Variants in ADGRL3 observed in about 807,000 individuals in gnomAD.
ADGRL3 encodes adhesion G protein-coupled receptor L3, also known as calcium-independent alpha-latrotoxin receptor 3.
Under a neutral mutation model 153.5 loss-of-function variants are expected in ADGRL3, and 62 were observed. The ratio of observed to expected loss-of-function variants is 0.40; its 90% CI spans 0.33 to 0.50. ADGRL3 has a LOEUF of 0.50. Ranked by LOEUF, ADGRL3 falls within the 20% of genes least tolerant of loss-of-function variation. The pLI, the probability that ADGRL3 is intolerant of heterozygous loss-of-function variation, is 0.47. For synonymous variants in ADGRL3, 710 were observed against 672.5 expected (o/e 1.06, Z -0.86); for missense variants, 1,641 against 1,859.4 (o/e 0.88, Z 2.16).
chr4:61,799,961 A>C (rs2097471147), intron 8 of ADGRL3, among the ~76,000 whole-genome samples: 1 of 152,218 alleles, frequency 6.6e-6, no homozygotes, highest in African/African-American at 2.4e-5. Flanking sequence ...AGATCAATAT[A>C]TCCAGGCCAC....
intron 1 of ADGRL3, among the ~76,000 whole-genome samples, chr4:61,334,419 A>G (rs1037460507): frequency 3.3e-5 from 5 of 152,286 alleles, no homozygotes; most frequent in Admixed American, 2.0e-4. Context: ...GTTACTTTCA[A>G]CAAAGTTTAA....
intron 3 of ADGRL3, among the ~76,000 whole-genome samples, chr4:61,513,145 T>G (rs1021333721): frequency 6.6e-6 from 1 of 152,172 alleles, no homozygotes; most frequent in African/African-American, 2.4e-5. Flanking sequence ...CTCACTGTTA[T>G]GATTAATAGC....
rs182596389 is a variant in ADGRL3 at position 62,044,536 on chromosome 4, G to A, written c.3801G>A (p.Ala1267=). ...SFITGDINSS[A]SLNREPYRET... ...TTACTGGAGACATAAACAGTTCAGC[G>A]TCACTCAACAGAGGTAATTAGAAAT... The change falls in exon 25 of 27, where the codon GCG becomes GCA. Residue 1267 remains alanine (A), a synonymous_variant. Transcript: ENST00000683033. 2.2e-4 allele frequency: 341 copies of A among 1,585,230 alleles called. 1 individual carries two copies. In the African/African-American group the frequency reaches 3.6e-3, roughly 17 times the overall value.
At chr4:61,532,979 T>G (rs1194963301) in intron 4 of ADGRL3, among the ~76,000 whole-genome samples, 1 of 152,052 alleles carries the variant, frequency 6.6e-6, no homozygotes, top group African/African-American at 2.4e-5. Context: ...ATTAAGAACA[T>G]GGGACTCTTT....
At chr4:61,212,988 G>T (rs112471754) in intron 1 of ADGRL3, among the ~76,000 whole-genome samples, 4,947 of 152,182 alleles carry the variant, frequency 0.033, 278 homozygotes, top group African/African-American at 0.11. Flanking sequence ...TTTGCTTAGA[G>T]CCTCTGAACA....
intron 5 of ADGRL3, among the ~76,000 whole-genome samples, chr4:61,645,308 G>A (rs2093919632): frequency 6.6e-6 from 1 of 151,626 alleles, no homozygotes; most frequent in Admixed American, 6.6e-5. Context: ...ATTGTTATGT[G>A]TGAATTTGAT....
intron 18 of ADGRL3, among the ~76,000 whole-genome samples, chr4:61,980,556 C>G (rs934768605): frequency 6.6e-6 from 1 of 152,016 alleles, no homozygotes; most frequent in South Asian, 2.1e-4. Flanking sequence ...CCTCCCACCA[C>G]AGCCTCTGGA....
Position 61,202,400 on chromosome 4 carries a change from C to A in ADGRL3, c.-240+635C>A, listed in dbSNP as rs1207187872. Among the ~76,000 whole-genome samples the A allele has an allele frequency of 6.6e-6, 1 of 152,162 alleles. No homozygotes were observed. Among genetic ancestry groups the A allele is most frequent in the African/African-American group, 2.4e-5 (1 of 41,438 alleles). On this transcript the variant is annotated intron_variant, in intron 1 of 26. Coordinates refer to ENST00000683033, the MANE Select transcript of ADGRL3 (RefSeq NM_001387552.1). The surrounding 1 kb of genome is among the most constrained non-coding windows in gnomAD (Gnocchi z 5.0). ...CCTGCCTGTTGTGTCTCCTTCACGGCAGTTTGGTTTAGACCTGCGTGCCCA... is the reference window on the plus strand; with the variant it reads ...CCTGCCTGTTGTGTCTCCTTCACGGAAGTTTGGTTTAGACCTGCGTGCCCA...
intron 8 of ADGRL3, among the ~76,000 whole-genome samples, chr4:61,788,397 C>G (rs2122640): frequency 0.56 from 84,622 of 151,896 alleles, 25,779 homozygotes; most frequent in African/African-American, 0.81. Context: ...CCCAGAACCC[C>G]GTAGCTCTGC....
chr4:61,284,152 T>A (rs1204017381), intron 1 of ADGRL3, among the ~76,000 whole-genome samples: 1 of 151,954 alleles, frequency 6.6e-6, no homozygotes, highest in Non-Finnish European at 1.5e-5. Context: ...TAACTCCAGA[T>A]ACCTTACAAA....
At chr4:61,301,389 G>A (rs2094576948) in intron 1 of ADGRL3, among the ~76,000 whole-genome samples, 1 of 152,150 alleles carries the variant, frequency 6.6e-6, no homozygotes, top group Non-Finnish European at 1.5e-5. Context: ...TTTACGAAGA[G>A]ATGTGAACAC....
chr4:61,438,896 A>G (rs1281857637), intron 2 of ADGRL3, among the ~76,000 whole-genome samples: 2 of 151,678 alleles, frequency 1.3e-5, no homozygotes, highest in African/African-American at 4.8e-5. Flanking sequence ...TTTAGTAGAG[A>G]CGGGGTTTCA....
chr4:61,871,455 GATTCA>G (rs1561393660), intron 9 of ADGRL3, among the ~76,000 whole-genome samples: 1 of 152,166 alleles, frequency 6.6e-6, no homozygotes, highest in African/African-American at 2.4e-5. Context: ...ATGAGGTACT[GATTCA>G]AGCTATAACA....
At chr4:61,530,906 T>G (rs908312589) in intron 4 of ADGRL3, among the ~76,000 whole-genome samples, 4 of 152,196 alleles carry the variant, frequency 2.6e-5, no homozygotes, top group African/African-American at 7.2e-5. Context: ...ATTATGGTTA[T>G]GTGTATGTTT....
chr4:61,502,412 T>C (rs1011913609), intron 3 of ADGRL3, among the ~76,000 whole-genome samples: 1 of 151,882 alleles, frequency 6.6e-6, no homozygotes. Flanking sequence ...GCGAGCGGTA[T>C]GTTTTATAGC....
chr4:61,716,119 A>AT (rs1344662392), intron 6 of ADGRL3, among the ~76,000 whole-genome samples: 1 of 151,930 alleles, frequency 6.6e-6, no homozygotes, highest in Non-Finnish European at 1.5e-5. Context: ...CTAATGACTT[A>AT]TTTTTTGGTG....
Position 62,020,500 on chromosome 4 carries a change from G to A in ADGRL3, c.3396-8355G>A, listed in dbSNP as rs549196095. Among the ~76,000 whole-genome samples, 6 of 152,206 alleles carry A rather than the reference G, an allele frequency of 3.9e-5. No individual in the cohort carries two copies. In the East Asian group the frequency reaches 1.2e-3, roughly 29 times the overall value. On this transcript the variant is annotated intron_variant, in intron 21 of 26. Coordinates refer to ENST00000683033, the MANE Select transcript of ADGRL3 (RefSeq NM_001387552.1). The stretch of plus-strand genomic sequence containing the variant: ...TCATAAATATCAATAAGTAAGGTAT[G>A]TCAACTTGCTAAAAATATTTTATGG...
At chr4:61,909,870 A>G (rs964858231) in intron 12 of ADGRL3, 125 bp downstream of exon 12, 6 of 611,610 alleles carry the variant, frequency 9.8e-6, no homozygotes, top group Non-Finnish European at 1.6e-5. Flanking sequence ...GAATATGATC[A>G]TTATAAAGAG....
chr4:61,387,711 C>G (rs1560557822), intron 2 of ADGRL3, among the ~76,000 whole-genome samples: 1 of 152,142 alleles, frequency 6.6e-6, no homozygotes. Context: ...GTTCTTTTTT[C>G]AAAGTGCCCA....
Sources: allele counts gnomAD v4.1 joint callset (sites outside exome capture counted in the v4.1 genomes callset), GRCh38; gene constraint gnomAD v4.1.1; non-coding constraint Gnocchi (gnomAD v3.1); transcripts MANE v1.5; gene names NCBI Gene and HGNC (gene_info 2026-07-23, HGNC 2026-07-21).